Variants in PTPN21 observed in about 807,000 individuals in gnomAD.
The protein encoded by PTPN21 is protein tyrosine phosphatase non-receptor type 21, also known as tyrosine-protein phosphatase non-receptor type 21.
Under a neutral mutation model 131.8 loss-of-function variants are expected in PTPN21, and 77 were observed. The observed-to-expected ratio is 0.58, with a 90% CI of 0.49 to 0.71. The LOEUF is 0.71. Ranked by LOEUF, PTPN21 falls within the 30% of genes least tolerant of loss-of-function variation. The pLI, the probability that PTPN21 is intolerant of heterozygous loss-of-function variation, is 0.00. For synonymous variants in PTPN21, 715 were observed against 621.3 expected (o/e 1.15, Z -2.24); for missense variants, 1,552 against 1,527.1 (o/e 1.02, Z -0.27).
chr14:88,541,305 A>T (rs890809906), intron 2 of PTPN21, among the ~76,000 whole-genome samples: 3 of 152,236 alleles, frequency 2.0e-5, no homozygotes, highest in African/African-American at 7.2e-5. Flanking sequence ...GATAAAGGAA[A>T]TCTAAGTGAC....
At chr14:88,517,038 T>A in intron 3 of PTPN21, 54 bp downstream of exon 3, 1 of 1,575,628 alleles carries the variant, frequency 6.3e-7, no homozygotes, top group Non-Finnish European at 8.7e-7. Context: ...TTAGTTTCAC[T>A]TTTTACATCT....
chr14:88,516,940 T>C (rs2078280067), intron 3 of PTPN21, 152 bp downstream of exon 3: 2 of 801,806 alleles, frequency 2.5e-6, no homozygotes, highest in Non-Finnish European at 3.8e-6. Flanking sequence ...CACTCTGACA[T>C]GCCACATATG....
Position 88,479,126 on chromosome 14 carries a change from T to C in PTPN21, c.2305A>G (p.Lys769Glu). 1 of 1,557,558 alleles carries C rather than the reference T, an allele frequency of 6.4e-7. No individual in the cohort carries two copies. Among genetic ancestry groups the C allele is most frequent in the Non-Finnish European group, 8.7e-7 (1 of 1,153,752 alleles). Residue 769 changes from lysine (K) to glutamate (E), a missense_variant, in exon 13 of 19, where the codon AAG becomes GAG. Coordinates refer to ENST00000556564, the MANE Select transcript of PTPN21 (RefSeq NM_007039.4). ...EPKAHVPDAE[K>E]RMMDSSPVRT... ...ACGGGGCTGCTGTCCATCATCCTCT[T>C]CTCCGCGTCTGGGACGTGGGCCTTG... is the stretch of plus-strand genomic sequence containing the variant.
At chr14:88,535,584 C>T (rs1434296256) in intron 2 of PTPN21, among the ~76,000 whole-genome samples, 3 of 152,158 alleles carry the variant, frequency 2.0e-5, no homozygotes, top group Non-Finnish European at 2.9e-5. Context: ...ACTGATAATA[C>T]TGAAAAGCAC....
chr14:88,531,450 G>A (rs768390789), intron 2 of PTPN21, among the ~76,000 whole-genome samples: 18 of 152,146 alleles, frequency 1.2e-4, no homozygotes, highest in African/African-American at 4.1e-4. Flanking sequence ...CCAGCTACTC[G>A]GGAGGTTGAG....
chr14:88,476,021 C>T (rs935317229), intron 13 of PTPN21, among the ~76,000 whole-genome samples: 1 of 152,142 alleles, frequency 6.6e-6, no homozygotes, highest in Non-Finnish European at 1.5e-5. Context: ...AAGGGTACAA[C>T]AAAAAGAAAA....
At chr14:88,506,566 C>A (rs922097282) in intron 4 of PTPN21, among the ~76,000 whole-genome samples, 1 of 152,104 alleles carries the variant, frequency 6.6e-6, no homozygotes, top group African/African-American at 2.4e-5. Context: ...GCGTGAGACA[C>A]CGCACCCAGC....
At chr14:88,546,954 G>T (rs1566855780) in intron 2 of PTPN21, among the ~76,000 whole-genome samples, 1 of 152,186 alleles carries the variant, frequency 6.6e-6, no homozygotes, top group Non-Finnish European at 1.5e-5. Context: ...TTACATTTAT[G>T]TTGGAAATTG....
intron 2 of PTPN21, among the ~76,000 whole-genome samples, chr14:88,526,415 T>C (rs1052069833): frequency 1.3e-5 from 2 of 151,636 alleles, no homozygotes; most frequent in African/African-American, 2.4e-5. Flanking sequence ...CTAGGCATGG[T>C]GGTGTGCACC....
At chr14:88,500,293 G>C (rs995008253) in intron 8 of PTPN21, among the ~76,000 whole-genome samples, 1 of 152,102 alleles carries the variant, frequency 6.6e-6, no homozygotes. Flanking sequence ...AGCCAGGCAT[G>C]GTGGCATTAG....
chr14:88,550,262 C>T lies in PTPN21; in HGVS notation c.156G>A (p.Val52=), dbSNP rs1486022940. The T allele has an allele frequency of 1.2e-6, 2 of 1,613,874 alleles. No homozygotes were observed. Among genetic ancestry groups the T allele is most frequent in the African/African-American group, 2.7e-5 (2 of 74,934 alleles). Residue 52 remains valine (V), a synonymous_variant, in exon 2 of 19, where the codon GTG becomes GTA. Coordinates refer to ENST00000556564, the MANE Select transcript of PTPN21 (RefSeq NM_007039.4). ...CCTCCCGCAGCTCCAGCCTCTGGGC[C>T]ACGGCCTCGAGGCTTTCCTGGCCAG... ...ESTGQESLEA[V]AQRLELREVT...
chr14:88,546,500 C>T (rs558895698), intron 2 of PTPN21, among the ~76,000 whole-genome samples: 1 of 150,126 alleles, frequency 6.7e-6, no homozygotes, highest in Non-Finnish European at 1.5e-5. Flanking sequence ...CGCTTGGACC[C>T]GGGAGGCAGA....
At chr14:88,516,540 G>T (rs759918444) in intron 3 of PTPN21, among the ~76,000 whole-genome samples, 55 of 152,066 alleles carry the variant, frequency 3.6e-4, no homozygotes, top group Non-Finnish European at 6.8e-4. Context: ...AGAACACTTA[G>T]TTCCTCTATT....
chr14:88,500,827 A>G lies in PTPN21; in HGVS notation c.720T>C (p.Gly240=). ...SDISIGACLE[G]IFVKHKNGRH... is the part of the protein sequence containing the mutation. The stretch of plus-strand genomic sequence containing the variant: ...TTCCATTCTTGTGTTTCACAAAGAT[A>G]CCTTCAAGACACGCTCCAATGGATA... Residue 240 remains glycine (G), a synonymous_variant, in exon 8 of 19, where the codon GGT becomes GGC. Transcript: ENST00000556564. 6.2e-7 allele frequency: 1 copy of G among 1,614,006 alleles called. No individual in the cohort carries two copies. Among genetic ancestry groups the G allele is most frequent in the Non-Finnish European group, 8.5e-7 (1 of 1,179,866 alleles).
intron 2 of PTPN21, among the ~76,000 whole-genome samples, chr14:88,546,140 C>G (rs1433973899): frequency 1.3e-5 from 2 of 151,726 alleles, no homozygotes; most frequent in Non-Finnish European, 2.9e-5. Flanking sequence ...ATCTTAGACA[C>G]TTGTAAAAAT....
chr14:88,475,574 T>G (rs2140090892), intron 13 of PTPN21, among the ~76,000 whole-genome samples: 1 of 152,266 alleles, frequency 6.6e-6, no homozygotes, highest in Middle Eastern at 3.4e-3. Flanking sequence ...ACTTCCTGCT[T>G]AGGCTGAAAT....
chr14:88,526,792 TATCA>T (rs1303509592), intron 2 of PTPN21, among the ~76,000 whole-genome samples: 1 of 152,116 alleles, frequency 6.6e-6, no homozygotes, highest in Non-Finnish European at 1.5e-5. Context: ...TGTAGTCTTT[TATCA>T]TTCACCCCAT....
rs1445751978 is a variant in PTPN21 at position 88,534,486 on chromosome 14, GTGTC to G, written c.180+15748_180+15751del. On this transcript the variant is annotated intron_variant, in intron 2 of 18. Transcript: ENST00000556564. Reference sequence around the variant, plus strand: ...AGATATTTTTGTATAGCTGTACAATGTGTCTGTGTTTTAACCTATGTTATTACAA... The same window carrying G: ...AGATATTTTTGTATAGCTGTACAATGTGTGTTTTAACCTATGTTATTACAA... 3.9e-5 allele frequency among the ~76,000 whole-genome samples: 6 copies of G among 152,252 alleles called. No homozygotes were observed. The East Asian group carries it at 9.6e-4, about 24-fold the overall frequency.
intron 10 of PTPN21, among the ~76,000 whole-genome samples, chr14:88,486,564 A>G (rs2140109650): frequency 6.6e-6 from 1 of 152,304 alleles, no homozygotes; most frequent in Non-Finnish European, 1.5e-5. Context: ...TTTTAAATCT[A>G]CATTTCCTCT....
Sources: allele counts gnomAD v4.1 joint callset (sites outside exome capture counted in the v4.1 genomes callset), GRCh38; gene constraint gnomAD v4.1.1; transcripts MANE v1.5; gene names NCBI Gene and HGNC (gene_info 2026-07-23, HGNC 2026-07-21).